Variants in AP1G1 observed in about 807,000 individuals in gnomAD.
AP1G1 encodes the protein adaptor related protein complex 1 subunit gamma 1.
A neutral mutation model predicts 108.3 loss-of-function variants in AP1G1; 7 were observed. The ratio of observed to expected loss-of-function variants is 0.06; its 90% confidence interval spans 0.04 to 0.12. The LOEUF (loss-of-function observed/expected upper bound fraction) is 0.12, where lower values mean the gene tolerates loss of function less well. AP1G1 is among the 10% of genes least tolerant of loss of function. The probability of loss-of-function intolerance (pLI) is 1.00; values close to 1 mark genes in which losing one functional copy is unlikely to be tolerated. For missense variants in AP1G1, 756 were observed against 1,010.7 expected (o/e 0.75, Z 3.42); for synonymous variants, 379 against 353.5 (o/e 1.07, Z -0.81).
At chr16:71,781,156 TACAC>T (rs199738293) in intron 2 of AP1G1, among the ~76,000 whole-genome samples, 4 of 152,112 alleles carry the variant, frequency 2.6e-5, no homozygotes, top group African/African-American at 9.7e-5. Flanking sequence ...GCCTGGTTTA[TACAC>T]ACACACACCT....
rs182756234 is a variant in AP1G1 at position 71,794,439 on chromosome 16, C to G, written c.-3-4957G>C. 2.4e-3 allele frequency among the ~76,000 whole-genome samples: 368 copies of G among 151,778 alleles called. 1 individual carries two copies. Among genetic ancestry groups the G allele is most frequent in the Non-Finnish European group, 4.4e-3 (300 of 67,948 alleles). On this transcript the variant is annotated intron_variant, in intron 1 of 22. Transcript: ENST00000299980. The stretch of plus-strand genomic sequence containing the variant: ...TTAAAACAAGGATGGAAAGCGAACA[C>G]AAAAATATTAAAAGTCTGACTTAAG...
rs2045476178 is a variant in AP1G1, at chr16:71,731,661, A to T, written c.*1397T>A. ...CAACTCAATTTCAAAGTTTGATAACATATGGGTCCTTTCTAAAAAGCACTT... is the reference window on the plus strand; with the variant it reads ...CAACTCAATTTCAAAGTTTGATAACTTATGGGTCCTTTCTAAAAAGCACTT... On this transcript the variant is annotated 3_prime_UTR_variant, in exon 23 of 23. Coordinates refer to ENST00000299980, the MANE Select transcript of AP1G1 (RefSeq NM_001128.6). 6.6e-6 allele frequency: 1 copy of T among 152,606 alleles called. No individual in the cohort carries two copies. The highest frequency in any genetic ancestry group is 2.4e-5 in the African/African-American group (1 of 41,450). 9.5% of individuals were successfully genotyped at this position (152,606 alleles called of 1,614,324 possible).
At chr16:71,777,190 C>T (rs1423782273) in intron 2 of AP1G1, among the ~76,000 whole-genome samples, 1 of 149,848 alleles carries the variant, frequency 6.7e-6, no homozygotes, top group African/African-American at 2.5e-5. Context: ...CCAACCCCAG[C>T]CCACCCCCAG....
At chr16:71,795,434 T>G (rs915163174) in intron 1 of AP1G1, among the ~76,000 whole-genome samples, 1 of 152,238 alleles carries the variant, frequency 6.6e-6, no homozygotes, top group Non-Finnish European at 1.5e-5. Flanking sequence ...CATTGACTAC[T>G]GTGTCAGTCA....
At chr16:71,808,401 G>T in intron 1 of AP1G1, 1 of 1,045,722 alleles carries the variant, frequency 9.6e-7, no homozygotes, top group Non-Finnish European at 1.2e-6. Context: ...GTGGCTCAGA[G>T]AAGACACGCG....
rs367608505 is a variant in AP1G1 at position 71,758,516 on chromosome 16, T to C, written c.1088+292A>G. 765 of 564,656 alleles carry C rather than the reference T, an allele frequency of 1.4e-3. 14 individuals carry two copies. The highest frequency in any genetic ancestry group is 0.011 in the South Asian group (747 of 71,136). The allele number at this position is 564,656 out of a possible 1,614,324, so 35.0% of individuals were successfully genotyped here. On this transcript the variant is annotated intron_variant, in intron 11 of 22. Coordinates refer to ENST00000299980, the MANE Select transcript of AP1G1 (RefSeq NM_001128.6). The stretch of plus-strand genomic sequence containing the variant: ...CACAGTACCTCCACTAGGTAAACTT[T>C]TGCCTAGCTTATCTGTGCCTGTTGT...
intron 1 of AP1G1, among the ~76,000 whole-genome samples, chr16:71,800,872 G>A (rs2032771771): frequency 6.6e-6 from 1 of 152,024 alleles, no homozygotes; most frequent in South Asian, 2.1e-4. Flanking sequence ...GCACATGTCT[G>A]TAATCCCAAC....
intron 10 of AP1G1, 111 bp from the exon 11 acceptor site, chr16:71,759,032 T>C (rs1047007781): frequency 1.1e-5 from 7 of 641,312 alleles, no homozygotes; most frequent in Non-Finnish European, 1.9e-5. Flanking sequence ...AAAGCATACA[T>C]TTTTATTTAA....
intron 1 of AP1G1, chr16:71,808,285 G>C (rs1322114704): frequency 1.1e-6 from 1 of 886,738 alleles, no homozygotes; most frequent in African/African-American, 1.8e-5. Context: ...GTCCGGTTCC[G>C]AGAGGACGGC....
chr16:71,755,671 A>G (rs1194119652), intron 12 of AP1G1, among the ~76,000 whole-genome samples: 1 of 151,312 alleles, frequency 6.6e-6, no homozygotes, highest in Non-Finnish European at 1.5e-5. Flanking sequence ...TTTGAGATGG[A>G]GTCTTGCTCT....
At chr16:71,739,449 A>C (rs1461035311) in intron 19 of AP1G1, 108 bp from the exon 20 acceptor site, 5 of 829,492 alleles carry the variant, frequency 6.0e-6, no homozygotes, top group Non-Finnish European at 9.2e-6. Flanking sequence ...AGATTCCTTA[A>C]ACAAGATGCA....
intron 2 of AP1G1, among the ~76,000 whole-genome samples, chr16:71,778,408 C>T (rs546765678): frequency 5.9e-5 from 9 of 152,088 alleles, no homozygotes; most frequent in East Asian, 1.9e-4. Context: ...CAAGGCCGGG[C>T]GCAGTGGCTC....
rs901972267 is a variant in AP1G1 at position 71,801,922 on chromosome 16, C to CAA, written c.-4+6839_-4+6840dup. Among the ~76,000 whole-genome samples the CAA allele has an allele frequency of 4.9e-3, 314 of 63,742 alleles. 5 individuals carry two copies. Among genetic ancestry groups the CAA allele is most frequent in the South Asian group, 2.0e-3 (4 of 1,972 alleles). The allele number at this position is 63,742 out of a possible 152,430, so 41.8% of individuals were successfully genotyped here. ...GGGCGACAGGGCGAGACTCCGTAAC[C>CAA]AAAAAAAAAAAAAAAAAAGAAAAGA... On this transcript the variant is annotated intron_variant, in intron 1 of 22. Coordinates refer to ENST00000299980, the MANE Select transcript of AP1G1 (RefSeq NM_001128.6).
At chr16:71,752,545 G>C (rs1567645736) in intron 13 of AP1G1, among the ~76,000 whole-genome samples, 1 of 152,096 alleles carries the variant, frequency 6.6e-6, no homozygotes, top group South Asian at 2.1e-4. Context: ...CCCATTTGGG[G>C]ACTACTAGTT....
At chr16:71,762,654 A>C (rs1203331139) in intron 9 of AP1G1, among the ~76,000 whole-genome samples, 4 of 152,246 alleles carry the variant, frequency 2.6e-5, no homozygotes, top group Non-Finnish European at 5.9e-5. Flanking sequence ...CCTGGAGGGC[A>C]GCACATCTGG....
At chr16:71,764,581 C>T (rs551034669) in intron 8 of AP1G1, 65 bp downstream of exon 8, 110 of 1,361,360 alleles carry the variant, frequency 8.1e-5, no homozygotes, top group Non-Finnish European at 1.1e-4. Flanking sequence ...CTCCATATAA[C>T]CATAATCATT....
intron 11 of AP1G1, 148 bp from the exon 12 acceptor site, chr16:71,756,307 T>C: frequency 3.3e-6 from 2 of 608,718 alleles, no homozygotes; most frequent in South Asian, 3.1e-5. Context: ...GCACACGAAA[T>C]AACCAAGGAG....
chr16:71,744,553 G>T (rs371215993), intron 19 of AP1G1, among the ~76,000 whole-genome samples: 2 of 146,634 alleles, frequency 1.4e-5, no homozygotes, highest in African/African-American at 5.0e-5. Flanking sequence ...TATTTTTTGA[G>T]CTTGAAAGAG....
chr16:71,734,752 C>T (rs533150145), intron 21 of AP1G1, 45 bp from the exon 22 acceptor site: 8 of 1,509,866 alleles, frequency 5.3e-6, no homozygotes, highest in East Asian at 2.3e-5. Flanking sequence ...AATTACACAA[C>T]GCTAGGTCAG....
Sources: gnomAD v4.1 joint callset for allele counts (sites outside exome capture counted in the v4.1 genomes callset) on GRCh38, gnomAD v4.1.1 for gene constraint, MANE v1.5 for transcripts, NCBI Gene and HGNC (gene_info 2026-07-23, HGNC 2026-07-21) for gene names.